EYS: variants seen among roughly 807,000 people sequenced by gnomAD.
The protein encoded by EYS is EGF-like photoreceptor maintenance factor.
EYS carries 250 observed loss-of-function variants against 282.1 expected under a neutral mutation model. That is an observed-to-expected ratio of 0.89 (90% CI 0.80 to 0.98). The LOEUF (loss-of-function observed/expected upper bound fraction) is 0.98. EYS is among the 50% of genes least tolerant of loss of function. The pLI, the probability that EYS is intolerant of heterozygous loss-of-function variation, is 0.00. For synonymous variants in EYS, 1,355 were observed against 1,282.9 expected, an observed-to-expected ratio of 1.06 and a Z score of -1.20; for missense variants, 4,016 against 3,709.0, an observed-to-expected ratio of 1.08 and a Z score of -2.15.
intron 22 of EYS, chr6:64,733,521 T>G: frequency 5.5e-6 from 1 of 182,566 alleles, no homozygotes; most frequent in Non-Finnish European, 1.2e-5. Flanking sequence ...GGCAACAAGT[T>G]TTTCTCTCAA....
chr6:64,845,969 T>C lies in EYS; in HGVS notation c.2993-23147A>G, dbSNP rs181043768. On this transcript the variant is annotated intron_variant, in intron 19 of 42. Coordinates refer to ENST00000503581, the MANE Select transcript of EYS (RefSeq NM_001142800.2). ...GGTCCAGACCAGGCCTTCATTTTTA[T>C]TTAAAATCATCTAAGAAACTCTTCT... is the stretch of plus-strand genomic sequence containing the variant. Among the ~76,000 whole-genome samples, 3 of 152,222 alleles carry C rather than the reference T, an allele frequency of 2.0e-5. No homozygotes were observed. In the South Asian group the frequency reaches 6.2e-4, roughly 32 times the overall value.
chr6:64,195,737 A>G (rs1383071741), intron 31 of EYS, among the ~76,000 whole-genome samples: 1 of 152,166 alleles, frequency 6.6e-6, no homozygotes, highest in Non-Finnish European at 1.5e-5. Context: ...TTCAAATTTA[A>G]TTGATCATTT....
At chr6:64,098,136 A>G (rs1380665088) in intron 31 of EYS, among the ~76,000 whole-genome samples, 1 of 152,208 alleles carries the variant, frequency 6.6e-6, no homozygotes. Flanking sequence ...ATAATTAAGA[A>G]GTATGTAACA....
At position 63,762,588 on chromosome 6, in the gene EYS, TG is replaced by T. The variant is rs1477705832; in HGVS notation, c.7943del (p.Thr2648LysfsTer34). The T allele has an allele frequency of 6.5e-7, 1 of 1,550,286 alleles. No homozygotes were observed. Among genetic ancestry groups the T allele is most frequent in the Non-Finnish European group, 8.7e-7 (1 of 1,146,092 alleles). On this transcript the variant is annotated frameshift_variant, in exon 41 of 43. Transcript: ENST00000503581. LOFTEE classifies it high-confidence loss of function. Reference protein sequence around the residue: ...TGWKGSFCTETVSTCDPEHDP... With the variant: ...TGWKGSFCTEXVSTCDPEHDP... Reference sequence around the variant, plus strand: ...CATGTTCAGGATCACAGGTAGAAACTGTCTCTGTGCAGAATGATCCTTTCCA... The same window carrying T: ...CATGTTCAGGATCACAGGTAGAAACTTCTCTGTGCAGAATGATCCTTTCCA...
chr6:63,732,341 T>G, intron 41 of EYS, among the ~76,000 whole-genome samples: 1 of 152,080 alleles, frequency 6.6e-6, no homozygotes, highest in East Asian at 1.9e-4. Context: ...ATTATTTGAT[T>G]AAGTATTCAG....
chr6:65,441,361 A>T (rs913018147), intron 5 of EYS, among the ~76,000 whole-genome samples: 3 of 151,820 alleles, frequency 2.0e-5, no homozygotes, highest in African/African-American at 7.3e-5. Flanking sequence ...TTAGTTTTAG[A>T]TCTGTTCTAT....
intron 12 of EYS, among the ~76,000 whole-genome samples, chr6:65,197,874 C>G (rs965473696): frequency 1.3e-5 from 2 of 151,938 alleles, no homozygotes; most frequent in African/African-American, 4.8e-5. Context: ...AATGTGAAGG[C>G]CCAGGACATT....
At chr6:64,489,056 T>G (rs149929022) in intron 26 of EYS, among the ~76,000 whole-genome samples, 2,347 of 150,992 alleles carry the variant, frequency 0.016, 16 homozygotes, top group East Asian at 0.031. Context: ...AGAAGAATGA[T>G]GAAAAAATGC....
Position 64,130,556 on chromosome 6 carries a change from A to G in EYS, c.6425-48554T>C, listed in dbSNP as rs1352722498. Among the ~76,000 whole-genome samples, 5 of 152,102 alleles carry G rather than the reference A, an allele frequency of 3.3e-5. No homozygotes were observed. The East Asian group carries it at 5.8e-4, about 18-fold the overall frequency. ...ACGAGTTAATGGGTGCTGCACACCA[A>G]CATGGCACATATATACATATGTAAC... is the stretch of plus-strand genomic sequence containing the variant. On this transcript the variant is annotated intron_variant, in intron 31 of 42. Coordinates refer to ENST00000503581, the MANE Select transcript of EYS (RefSeq NM_001142800.2).
chr6:64,337,165 A>C (rs183940743), intron 29 of EYS, among the ~76,000 whole-genome samples: 1 of 152,178 alleles, frequency 6.6e-6, no homozygotes, highest in East Asian at 1.9e-4. Context: ...CAACAACAAA[A>C]ATACAAAAGA....
chr6:65,488,820 C>G (rs561040101), intron 5 of EYS, among the ~76,000 whole-genome samples: 9 of 152,170 alleles, frequency 5.9e-5, no homozygotes, highest in African/African-American at 2.2e-4. Context: ...AGAAATAACA[C>G]CACACATCTA....
Position 64,639,351 on chromosome 6 carries a change from T to G in EYS, c.3444-13106A>C, listed in dbSNP as rs138733383. On this transcript the variant is annotated intron_variant, in intron 22 of 42. Transcript: ENST00000503581. ...ACATTTATGTTTTCAAGCATGAGTA[T>G]TATATGTAAATATACATCTCTTTTT... is the stretch of plus-strand genomic sequence containing the variant. 4.0e-3 allele frequency among the ~76,000 whole-genome samples: 371 copies of G among 91,776 alleles called. 134 individuals are homozygous for G. The highest frequency in any genetic ancestry group is 0.015 in the African/African-American group (365 of 24,058). The allele number at this position is 91,776 out of a possible 152,430, so 60.2% of individuals were successfully genotyped here.
At chr6:64,644,072 G>A (rs1768270296) in intron 22 of EYS, among the ~76,000 whole-genome samples, 1 of 152,140 alleles carries the variant, frequency 6.6e-6, no homozygotes, top group Non-Finnish European at 1.5e-5. Flanking sequence ...TTTCTTATAT[G>A]ACCTGATTTT....
intron 15 of EYS, among the ~76,000 whole-genome samples, chr6:64,937,871 T>C (rs960802766): frequency 6.6e-6 from 1 of 151,664 alleles, no homozygotes; most frequent in African/African-American, 2.4e-5. Context: ...AAAGTTGTAA[T>C]AATCAACATG....
At chr6:65,216,831 A>G (rs1205137564) in intron 12 of EYS, among the ~76,000 whole-genome samples, 1 of 151,936 alleles carries the variant, frequency 6.6e-6, no homozygotes, top group Non-Finnish European at 1.5e-5. Context: ...ATTTTTGATG[A>G]TATGCTTTTA....
chr6:63,720,890 TA>T lies in EYS; in HGVS notation c.9140del (p.Val3047GlufsTer3). On this transcript the variant is annotated frameshift_variant, in exon 43 of 43. Coordinates refer to ENST00000503581, the MANE Select transcript of EYS (RefSeq NM_001142800.2). LOFTEE classifies it high-confidence loss of function. ...GTFCCNKWHH[V>X]VVIQNQTLIK... is the part of the protein sequence containing the mutation. ...TAAGAGTCTGATTTTGAATTACAAC[TA>T]CATGGTGCCATTTATTACAACAGAA... is the stretch of plus-strand genomic sequence containing the variant. 6.4e-7 allele frequency: 1 copy of T among 1,550,882 alleles called. No homozygotes were observed. Among genetic ancestry groups the T allele is most frequent in the Non-Finnish European group, 8.7e-7 (1 of 1,146,340 alleles).
intron 34 of EYS, among the ~76,000 whole-genome samples, chr6:63,992,937 C>G (rs1767668724): frequency 6.6e-6 from 1 of 151,736 alleles, no homozygotes; most frequent in Admixed American, 6.6e-5. Context: ...ATAGTTTTCC[C>G]ATGCTGTTCT....
At chr6:64,590,170 T>C in intron 26 of EYS, 53 bp downstream of exon 26, 1 of 1,413,044 alleles carries the variant, frequency 7.1e-7, no homozygotes, top group Non-Finnish European at 9.5e-7. Flanking sequence ...TTCTTCTCTG[T>C]AGAAAAGAAA....
At chr6:64,762,510 T>G (rs753529601) in intron 22 of EYS, among the ~76,000 whole-genome samples, 1 of 152,234 alleles carries the variant, frequency 6.6e-6, no homozygotes, top group Non-Finnish European at 1.5e-5. Context: ...CTTATTCCTC[T>G]GCCTCTGTTG....
Sources: allele counts gnomAD v4.1 joint callset (sites outside exome capture counted in the v4.1 genomes callset), GRCh38; gene constraint gnomAD v4.1.1; transcripts MANE v1.5; gene names NCBI Gene and HGNC (gene_info 2026-07-23, HGNC 2026-07-21).